Variants in SI observed in about 807,000 individuals in gnomAD.
SI encodes sucrase-isomaltase, also known as sucrase-isomaltase, intestinal.
Under a neutral mutation model 253.3 loss-of-function variants are expected in SI, and 235 were observed. The observed-to-expected ratio is 0.93, with a 90% confidence interval of 0.83 to 1.03. The LOEUF (loss-of-function observed/expected upper bound fraction) is 1.03. SI is among the 50% of genes least tolerant of loss of function. The pLI is 0.00. For missense variants in SI, 2,442 were observed against 2,211.1 expected (o/e 1.10, Z -2.09); for synonymous variants, 819 against 712.0 (o/e 1.15, Z -2.39).
chr3:165,065,157 A>G (rs1714172196), intron 7 of SI, 104 bp downstream of exon 7: 1 of 740,200 alleles, frequency 1.4e-6, no homozygotes, highest in Non-Finnish European at 2.3e-6. Context: ...ACATTCAAAT[A>G]GTTTAGTTGA....
intron 1 of SI, 76 bp downstream of exon 1, chr3:165,078,354 ACTG>A (rs1229188494): frequency 6.6e-6 from 1 of 152,046 alleles, no homozygotes; most frequent in Non-Finnish European, 1.5e-5. Context: ...AGATGGGAAT[ACTG>A]CTAACACAAA....
At position 165,038,011 on chromosome 3, in the gene SI, G is replaced by A; in HGVS notation, c.2315C>T (p.Pro772Leu). 1 of 1,592,674 alleles carries A rather than the reference G, an allele frequency of 6.3e-7. No homozygotes were observed. The highest frequency in any genetic ancestry group is 1.1e-5 in the South Asian group (1 of 90,608). ...WYDYESGAKRPWRKQRVDMYL... is the reference protein window; with the variant it reads ...WYDYESGAKRLWRKQRVDMYL... ...CATATCAACCCGTTGTTTCCTCCAT[G>A]GCCTTTTTGCACCCTAATAATTGGA... Residue 772 changes from proline to leucine, a missense_variant, in exon 21 of 48, where the codon CCA (proline) becomes CTA (leucine). By Grantham distance (98) the Pro-to-Leu change is moderately conservative. Coordinates refer to ENST00000264382, the MANE Select transcript of SI (RefSeq NM_001041.4).
At chr3:165,087,300 C>A in the SI span, among the ~76,000 whole-genome samples, 1 of 151,962 alleles carries the variant, frequency 6.6e-6, no homozygotes. Flanking sequence ...TAATGGAGGC[C>A]AAACTAGAAC....
At chr3:165,044,002 T>C (rs995153750) in intron 16 of SI, among the ~76,000 whole-genome samples, 2 of 151,954 alleles carry the variant, frequency 1.3e-5, no homozygotes, top group African/African-American at 4.8e-5. Context: ...CAAAACATTT[T>C]GAGAGCCAAC....
rs1289503931 is a variant in SI at position 164,983,057 on chromosome 3, G to A, written c.5198-6C>T. 2 of 1,541,766 alleles carry A rather than the reference G, an allele frequency of 1.3e-6. No homozygotes were observed. On this transcript the variant is annotated splice_region_variant and splice_polypyrimidine_tract_variant and intron_variant, in intron 45 of 47. Transcript: ENST00000264382. ...TAGGTCTCTTTCATAGGTGTCTGTA[G>A]AGAGAGAAAAAAAATGTGATATATT...
Position 165,017,988 on chromosome 3 carries a change from G to A in SI, c.3502C>T (p.Leu1168Phe), listed in dbSNP as rs1248728801. Residue 1168 changes from leucine (L) to phenylalanine (F), a missense_variant, in exon 29 of 48, where the codon CTC becomes TTC. Coordinates refer to ENST00000264382, the MANE Select transcript of SI (RefSeq NM_001041.4). ...EEGNAHGVFL[L>F]NSNAMDVTFQ... Reference sequence around the variant, plus strand: ...GTTTTACCCATTGCATTGCTGTTGAGTAAGAAAACACCATGAGCATTGCCC... The same window carrying A: ...GTTTTACCCATTGCATTGCTGTTGAATAAGAAAACACCATGAGCATTGCCC... 1 of 1,609,612 alleles carries A rather than the reference G, an allele frequency of 6.2e-7. No individual in the cohort carries two copies. Among genetic ancestry groups the A allele is most frequent in the Non-Finnish European group, 8.5e-7 (1 of 1,176,154 alleles).
intron 22 of SI, among the ~76,000 whole-genome samples, chr3:165,034,047 T>C (rs1321947207): frequency 1.3e-5 from 2 of 151,650 alleles, no homozygotes; most frequent in African/African-American, 2.4e-5. Context: ...ACTGAAATAG[T>C]TTGTCATAAA....
At chr3:165,016,160 G>A in intron 31 of SI, 80 bp from the exon 32 acceptor site, 1 of 1,281,614 alleles carries the variant, frequency 7.8e-7, no homozygotes. Context: ...ACTTATAAAA[G>A]TAACAGCAAT....
intron 17 of SI, 36 bp downstream of exon 17, chr3:165,043,023 T>G: frequency 7.1e-6 from 9 of 1,270,942 alleles, no homozygotes; most frequent in Non-Finnish European, 9.2e-6. Context: ...TATGGTTGTT[T>G]TTTATTTCGC....
intron 40 of SI, 57 bp downstream of exon 40, chr3:164,996,478 A>G: frequency 2.1e-6 from 2 of 943,174 alleles, no homozygotes; most frequent in Non-Finnish European, 3.5e-6. Context: ...ACACTAAAGT[A>G]TAATGAAGCA....
At position 165,041,113 on chromosome 3, in the gene SI, A is replaced by C. The variant is rs755432168; in HGVS notation, c.2005-19T>G. ...CCTGATGCTGTGAGATAGAAAGAGA[A>C]ATTAAAATAAGAAAGCTAAAGTATG... On this transcript the variant is annotated intron_variant, in intron 17 of 47. Coordinates refer to ENST00000264382, the MANE Select transcript of SI (RefSeq NM_001041.4). The C allele has an allele frequency of 1.2e-6, 2 of 1,610,464 alleles. No homozygotes were observed. Among genetic ancestry groups the C allele is most frequent in the Non-Finnish European group, 8.5e-7 (1 of 1,177,384 alleles).
chr3:165,084,497 T>C, the SI span, among the ~76,000 whole-genome samples: 4 of 152,046 alleles, frequency 2.6e-5, no homozygotes, highest in African/African-American at 7.2e-5. Flanking sequence ...TCATTTGATA[T>C]GTAAAAATTT....
At chr3:165,042,451 C>T (rs78404275) in intron 17 of SI, among the ~76,000 whole-genome samples, 1 of 152,166 alleles carries the variant, frequency 6.6e-6, no homozygotes, top group East Asian at 1.9e-4. Context: ...AAAAACATGC[C>T]TATGATCATG....
chr3:165,045,472 T>A (rs1438045901), intron 16 of SI, among the ~76,000 whole-genome samples: 3 of 152,068 alleles, frequency 2.0e-5, no homozygotes, highest in African/African-American at 7.2e-5. Context: ...TTCCTTCTTT[T>A]TTTAACAAAT....
chr3:165,063,177 C>T (rs989794040), intron 8 of SI, among the ~76,000 whole-genome samples: 9 of 152,024 alleles, frequency 5.9e-5, no homozygotes, highest in Non-Finnish European at 1.2e-4. Flanking sequence ...CACCCATTGG[C>T]ATGGATGTGT....
chr3:164,994,219 A>G (rs769510574), intron 41 of SI, 38 bp downstream of exon 41: 13 of 1,576,872 alleles, frequency 8.2e-6, no homozygotes, highest in Non-Finnish European at 1.0e-5. Flanking sequence ...AGTGAAAAGT[A>G]TCTCTCTGTG....
At chr3:165,005,350 G>T (rs114497682) in intron 37 of SI, among the ~76,000 whole-genome samples, 1,845 of 152,122 alleles carry the variant, frequency 0.012, 41 homozygotes, top group African/African-American at 0.042. Flanking sequence ...CCCTAAAAGT[G>T]TAATTGGATT....
intron 37 of SI, 70 bp downstream of exon 37, chr3:165,006,746 A>C: frequency 7.2e-7 from 1 of 1,385,344 alleles, no homozygotes; most frequent in East Asian, 2.3e-5. Context: ...GGGACTGTTA[A>C]AATGATAACA....
In SI at chr3:164,979,355, G is replaced by T. The variant is rs757226906; in HGVS notation, c.*7C>A. ...TTCCCATTGACAACTAAAATTGATG[G>T]TGATCTTCATGACCAGTTGATTTCT... On this transcript the variant is annotated 3_prime_UTR_variant, in exon 48 of 48. Coordinates refer to ENST00000264382, the MANE Select transcript of SI (RefSeq NM_001041.4). The T allele has an allele frequency of 7.7e-6, 12 of 1,556,684 alleles. No individual in the cohort carries two copies. The highest frequency in any genetic ancestry group is 8.9e-6 in the Non-Finnish European group (10 of 1,129,688).
Sources: allele counts gnomAD v4.1 joint callset (sites outside exome capture counted in the v4.1 genomes callset), GRCh38; gene constraint gnomAD v4.1.1; transcripts MANE v1.5; gene names NCBI Gene and HGNC (gene_info 2026-07-23, HGNC 2026-07-21).